MICU3: variants seen among roughly 807,000 people sequenced by gnomAD.
The protein encoded by MICU3 is mitochondrial calcium uptake 3.
MICU3 carries 62 observed loss-of-function variants against 66.5 expected under a neutral mutation model. The ratio of observed to expected loss-of-function variants is 0.93; its 90% confidence interval spans 0.76 to 1.15. The LOEUF (loss-of-function observed/expected upper bound fraction) is 1.15, where lower values mean the gene tolerates loss of function less well. Among genes scored for constraint, MICU3 ranks in the 50% most tolerant of loss-of-function variants. MICU3 has a pLI of 0.00. For missense variants in MICU3, 779 were observed against 664.4 expected (o/e 1.17, Z -1.90); for synonymous variants, 308 against 240.7 (o/e 1.28, Z -2.59).
chr8:17,075,814 T>C (rs1820309204), intron 3 of MICU3, among the ~76,000 whole-genome samples: 1 of 152,152 alleles, frequency 6.6e-6, no homozygotes, highest in Non-Finnish European at 1.5e-5. Context: ...GAAGTTATTA[T>C]ATGAGCCTAT....
chr8:17,137,567 G>C, the MICU3 span, among the ~76,000 whole-genome samples: 1 of 150,322 alleles, frequency 6.7e-6, no homozygotes, highest in African/African-American at 2.4e-5. Flanking sequence ...TTTCACACTG[G>C]GCTTCAAAAA....
the MICU3 span, among the ~76,000 whole-genome samples, chr8:17,137,990 C>T: frequency 2.6e-5 from 4 of 151,934 alleles, no homozygotes; most frequent in African/African-American, 9.7e-5. Flanking sequence ...GCTGGGATTA[C>T]AGGCATGAAC....
At position 17,064,112 on chromosome 8, in the gene MICU3, A is replaced by T; in HGVS notation, c.410A>T (p.Asp137Val). 6.2e-7 allele frequency: 1 copy of T among 1,612,872 alleles called. No individual in the cohort carries two copies. The highest frequency in any genetic ancestry group is 2.2e-5 in the East Asian group (1 of 44,802). ...TVAIGRTDIE[D>V]LDLYATSRER... is the part of the protein sequence containing the mutation. ...GCTATTGGCAGAACAGACATTGAAGACTTAGACCTTTATGCCACATCTCGG... is the reference window on the plus strand; with the variant it reads ...GCTATTGGCAGAACAGACATTGAAGTCTTAGACCTTTATGCCACATCTCGG... Residue 137 changes from aspartate to valine, a missense_variant, in exon 2 of 15, where the codon GAC becomes GTC. Coordinates refer to ENST00000318063, the MANE Select transcript of MICU3 (RefSeq NM_181723.3).
In MICU3 at chr8:17,066,698, A is replaced by C. The variant is rs181109447; in HGVS notation, c.535+2461A>C. ...GCTGGGACTACAGGCACATGCCACC[A>C]TGCCACCAGCTAATTTTTTAAATTT... is the stretch of plus-strand genomic sequence containing the variant. On this transcript the variant is annotated intron_variant, in intron 2 of 14. Coordinates refer to ENST00000318063, the MANE Select transcript of MICU3 (RefSeq NM_181723.3). Among the ~76,000 whole-genome samples the C allele has an allele frequency of 8.4e-3, 1,278 of 151,458 alleles. 13 individuals are homozygous for C. Among genetic ancestry groups the C allele is most frequent in the African/African-American group, 0.029 (1,204 of 41,222 alleles).
rs144664098 is a variant in MICU3, at chr8:17,081,549, C to A, written c.647-144C>A. On this transcript the variant is annotated intron_variant, in intron 4 of 14. Transcript: ENST00000318063. The stretch of plus-strand genomic sequence containing the variant: ...AATTAAAGTAAAATTAAATTTGTTG[C>A]TTCTTTTGTTATGATTTTATAATAA... 5.1e-3 allele frequency: 1,674 copies of A among 329,936 alleles called. 32 individuals are homozygous for A. The highest frequency in any genetic ancestry group is 0.033 in the African/African-American group (1,521 of 46,008). 20.4% of individuals were successfully genotyped at this position (329,936 alleles called of 1,614,324 possible).
At chr8:17,109,220 A>T (rs1442804312) in intron 11 of MICU3, among the ~76,000 whole-genome samples, 2 of 152,074 alleles carry the variant, frequency 1.3e-5, no homozygotes, top group Non-Finnish European at 2.9e-5. Flanking sequence ...CCTAACAAAT[A>T]TGTTTTATGT....
chr8:17,069,958 A>T (rs1404155653), intron 3 of MICU3, among the ~76,000 whole-genome samples: 1 of 152,034 alleles, frequency 6.6e-6, no homozygotes, highest in Non-Finnish European at 1.5e-5. Context: ...ATGTGTTGGT[A>T]TACTCACTTT....
At position 17,059,904 on chromosome 8, in the gene MICU3, A is replaced by G. The variant is rs372651620; in HGVS notation, c.382-4180A>G. 9.8e-5 allele frequency among the ~76,000 whole-genome samples: 15 copies of G among 152,306 alleles called. No individual in the cohort carries two copies. The East Asian group carries it at 1.9e-3, about 20-fold the overall frequency. Reference sequence around the variant, plus strand: ...AAAAATCAATATTGTGAGACGATCAATTCTCCCAAAATTTAATGTCATCTC... The same window carrying G: ...AAAAATCAATATTGTGAGACGATCAGTTCTCCCAAAATTTAATGTCATCTC... On this transcript the variant is annotated intron_variant, in intron 1 of 14. Coordinates refer to ENST00000318063, the MANE Select transcript of MICU3 (RefSeq NM_181723.3).
At chr8:17,032,747 G>A (rs1812311002) in intron 1 of MICU3, among the ~76,000 whole-genome samples, 1 of 152,116 alleles carries the variant, frequency 6.6e-6, no homozygotes, top group Non-Finnish European at 1.5e-5. Flanking sequence ...CACAGATACT[G>A]CATTTTTTAC....
At position 17,111,392 on chromosome 8, in the gene MICU3, A is replaced by G. The variant is rs189063165; in HGVS notation, c.1258-2701A>G. On this transcript the variant is annotated intron_variant, in intron 11 of 14. Transcript: ENST00000318063. Reference sequence around the variant, plus strand: ...GGCAGGAGTGCAGTGGCATGATCATACTCACTGCGACCTCAAACTCCTGGG... The same window carrying G: ...GGCAGGAGTGCAGTGGCATGATCATGCTCACTGCGACCTCAAACTCCTGGG... Among the ~76,000 whole-genome samples the G allele has an allele frequency of 1.5e-4, 23 of 151,952 alleles. No homozygotes were observed. In the East Asian group the frequency reaches 3.9e-3, roughly 26 times the overall value.
At chr8:17,093,608 A>G (rs548956053) in intron 8 of MICU3, among the ~76,000 whole-genome samples, 1 of 152,012 alleles carries the variant, frequency 6.6e-6, no homozygotes, top group East Asian at 1.9e-4. Flanking sequence ...GTTAACTTCT[A>G]CTTACTGTTT....
At chr8:17,086,066 A>C (rs1799435165) in intron 6 of MICU3, among the ~76,000 whole-genome samples, 1 of 152,022 alleles carries the variant, frequency 6.6e-6, no homozygotes, top group African/African-American at 2.4e-5. Context: ...GTCTTTACCT[A>C]CACTCTCCGA....
intron 3 of MICU3, among the ~76,000 whole-genome samples, chr8:17,076,309 A>G (rs1488147402): frequency 2.0e-5 from 3 of 152,184 alleles, no homozygotes; most frequent in African/African-American, 7.2e-5. Context: ...TGCTGAGATT[A>G]TAGGCCTGAG....
At chr8:17,054,710 A>C (rs1379630398) in intron 1 of MICU3, among the ~76,000 whole-genome samples, 1 of 151,168 alleles carries the variant, frequency 6.6e-6, no homozygotes, top group East Asian at 1.9e-4. Flanking sequence ...ACCAGACCCA[A>C]ATGTTTTCTT....
chr8:17,060,393 TTA>T (rs1563310670), intron 1 of MICU3, among the ~76,000 whole-genome samples: 63 of 151,686 alleles, frequency 4.2e-4, no homozygotes, highest in African/African-American at 1.5e-3. Flanking sequence ...GCCTCCCGGG[TTA>T]CGAGTGATTT....
At position 17,096,651 on chromosome 8, in the gene MICU3, G is replaced by C. The variant is rs150712116; in HGVS notation, c.889-1807G>C. On this transcript the variant is annotated intron_variant, in intron 8 of 14. Transcript: ENST00000318063. ...AAATATATCCAGTTACAGCAATTCA[G>C]TAGTATATCCTAGCATTGTTTAATC... is the stretch of plus-strand genomic sequence containing the variant. Among the ~76,000 whole-genome samples the C allele has an allele frequency of 8.6e-3, 1,314 of 151,912 alleles. 10 individuals are homozygous for C. Among genetic ancestry groups the C allele is most frequent in the South Asian group, 0.033 (159 of 4,824 alleles).
At chr8:17,082,195 G>A (rs372230419) in intron 5 of MICU3, among the ~76,000 whole-genome samples, 1 of 151,900 alleles carries the variant, frequency 6.6e-6, no homozygotes, top group Non-Finnish European at 1.5e-5. Flanking sequence ...ATATATGAAG[G>A]GTTTACTATG....
chr8:17,058,770 G>A (rs1368981661), intron 1 of MICU3, among the ~76,000 whole-genome samples: 3 of 152,194 alleles, frequency 2.0e-5, no homozygotes, highest in East Asian at 1.9e-4. Context: ...ACTCTGAGGT[G>A]TAGCTTGGTC....
chr8:17,062,044 G>A (rs184633483), intron 1 of MICU3, among the ~76,000 whole-genome samples: 1 of 152,188 alleles, frequency 6.6e-6, no homozygotes, highest in East Asian at 1.9e-4. Context: ...AATCTCCTAA[G>A]ACCATTTGTT....
Sources: allele counts gnomAD v4.1 joint callset (sites outside exome capture counted in the v4.1 genomes callset), GRCh38; gene constraint gnomAD v4.1.1; transcripts MANE v1.5; gene names NCBI Gene and HGNC (gene_info 2026-07-23, HGNC 2026-07-21).